ZNF207: variants seen among roughly 807,000 people sequenced by gnomAD.
ZNF207 encodes BUB3-interacting and GLEBS motif-containing protein ZNF207.
ZNF207 carries 24 observed loss-of-function variants against 60.2 expected under a neutral mutation model. That is an observed-to-expected ratio of 0.40 (90% CI 0.29 to 0.56). ZNF207 has a LOEUF of 0.56. ZNF207 is among the 20% of genes least tolerant of loss of function. The probability of loss-of-function intolerance (pLI) is 0.49; values close to 1 mark genes in which losing one functional copy is unlikely to be tolerated. For synonymous variants in ZNF207, 236 were observed against 194.7 expected (o/e 1.21, Z -1.77); for missense variants, 452 against 636.6 (o/e 0.71, Z 3.12).
intron 5 of ZNF207, 83 bp downstream of exon 5, chr17:32,361,050 T>TA: frequency 1.4e-6 from 2 of 1,445,352 alleles, no homozygotes; most frequent in Non-Finnish European, 1.9e-6. Flanking sequence ...AATGAAATGT[T>TA]ACTTTCCATT....
rs1363382088 is a variant in ZNF207, at chr17:32,380,023, A to G, written c.*10264A>G. On this transcript the variant is annotated 3_prime_UTR_variant, in exon 12 of 12. Coordinates refer to ENST00000394670, the MANE Select transcript of ZNF207 (RefSeq NM_001098507.2). ...GATGCTTTTTAGTATGAACAATGAT[A>G]GTTTTCTAAAATCTGAAAATCAATA... 3 of 152,430 alleles carry G rather than the reference A, an allele frequency of 2.0e-5. No homozygotes were observed. Among genetic ancestry groups the G allele is most frequent in the African/African-American group, 4.8e-5 (2 of 41,466 alleles). The allele number at this position is 152,430 out of a possible 1,614,324, so 9.4% of individuals were successfully genotyped here.
At chr17:32,357,030 A>G (rs971448310) in intron 2 of ZNF207, among the ~76,000 whole-genome samples, 6 of 151,980 alleles carry the variant, frequency 3.9e-5, no homozygotes, top group African/African-American at 1.5e-4. Flanking sequence ...GAAAATACAA[A>G]AATTAGCCAG....
rs1905518819 is a variant in ZNF207 at position 32,372,518 on chromosome 17, G to A, written c.*2759G>A. The A allele has an allele frequency of 6.6e-6, 1 of 152,144 alleles. No homozygotes were observed. Among genetic ancestry groups the A allele is most frequent in the South Asian group, 2.1e-4 (1 of 4,828 alleles). The allele number at this position is 152,144 out of a possible 1,614,324, so 9.4% of individuals were successfully genotyped here. On this transcript the variant is annotated 3_prime_UTR_variant, in exon 12 of 12. Coordinates refer to ENST00000394670, the MANE Select transcript of ZNF207 (RefSeq NM_001098507.2). ...CTGTATAGGTCTGATGGGCAAAAAT[G>A]GAACTTTTAAATATGGGATAGAATT... is the stretch of plus-strand genomic sequence containing the variant.
At chr17:32,361,113 A>C in intron 5 of ZNF207, 146 bp downstream of exon 5, 1 of 851,198 alleles carries the variant, frequency 1.2e-6, no homozygotes, top group South Asian at 1.8e-5. Context: ...AAAGGGATCA[A>C]CCAGTAAATT....
chr17:32,375,558 T>C lies in ZNF207; in HGVS notation c.*5799T>C, dbSNP rs1182637711. 1 of 152,102 alleles carries C rather than the reference T, an allele frequency of 6.6e-6. No individual in the cohort carries two copies. The highest frequency in any genetic ancestry group is 2.4e-5 in the African/African-American group (1 of 41,444). 9.4% of individuals were successfully genotyped at this position (152,102 alleles called of 1,614,324 possible). On this transcript the variant is annotated 3_prime_UTR_variant, in exon 12 of 12. Coordinates refer to ENST00000394670, the MANE Select transcript of ZNF207 (RefSeq NM_001098507.2). The stretch of plus-strand genomic sequence containing the variant: ...ACTCAGACAAATAAGATTTTGAGAA[T>C]TATGTAGTTTTTAGGTGTCTGTAAC...
Position 32,369,367 on chromosome 17 carries a change from C to A in ZNF207, c.1237C>A (p.Pro413Thr). ...PRPGQAPIGN[P>T]PVGPIGGMMP... ...GCCAGGACAGGCCCCCATCGGTAAT[C>A]CACCAGTTGGACCAATTGGAGGTAT... is the stretch of plus-strand genomic sequence containing the variant. Residue 413 changes from proline to threonine, a missense_variant, in exon 11 of 12, where the codon CCA becomes ACA. Transcript: ENST00000394670. The A allele has an allele frequency of 1.2e-6, 2 of 1,614,086 alleles. No individual in the cohort carries two copies. The highest frequency in any genetic ancestry group is 1.1e-5 in the South Asian group (1 of 91,082).
At position 32,374,212 on chromosome 17, in the gene ZNF207, C is replaced by CTTTTTTGTTTTTTTTTT. The variant is rs1905587643; in HGVS notation, c.*4459_*4460insGTTTTTTTTTTTTTTTT. 1.5e-5 allele frequency: 1 copy of CTTTTTTGTTTTTTTTTT among 66,224 alleles called. No individual in the cohort carries two copies. The highest frequency in any genetic ancestry group is 3.2e-5 in the Non-Finnish European group (1 of 31,290). The allele number at this position is 66,224 out of a possible 1,614,324, so 4.1% of individuals were successfully genotyped here. On this transcript the variant is annotated 3_prime_UTR_variant, in exon 12 of 12. Transcript: ENST00000394670. ...ACCGCGCCTGGCCAAAATCTGCATT[C>CTTTTTTGTTTTTTTTTT]TTTTTTTTTTTTTTTTTTTTTTTTT... is the stretch of plus-strand genomic sequence containing the variant.
At chr17:32,358,422 T>C in intron 2 of ZNF207, 81 bp from the exon 3 acceptor site, 2 of 1,383,316 alleles carry the variant, frequency 1.4e-6, no homozygotes, top group Non-Finnish European at 1.9e-6. Flanking sequence ...AGAACATTTA[T>C]TCTTTATACT....
chr17:32,354,912 C>T (rs568661580), intron 2 of ZNF207, among the ~76,000 whole-genome samples: 1 of 152,186 alleles, frequency 6.6e-6, no homozygotes, highest in Non-Finnish European at 1.5e-5. Context: ...CTGCGCCCAG[C>T]CTGTAAGACT....
At position 32,376,920 on chromosome 17, in the gene ZNF207, A is replaced by T. The variant is rs1905695912; in HGVS notation, c.*7161A>T. ...TGTGTGCTGTGTTTGTAAAAAGGTG[A>T]AGTACTTTATTGGCATTTTCTAAGC... On this transcript the variant is annotated 3_prime_UTR_variant, in exon 12 of 12. Coordinates refer to ENST00000394670, the MANE Select transcript of ZNF207 (RefSeq NM_001098507.2). 6.6e-6 allele frequency: 1 copy of T among 151,924 alleles called. No individual in the cohort carries two copies. The highest frequency in any genetic ancestry group is 6.5e-5 in the Admixed American group (1 of 15,270). 9.4% of individuals were successfully genotyped at this position (151,924 alleles called of 1,614,324 possible). A position where few individuals can be genotyped will look rare whatever the true frequency, so the allele number is the denominator to read the frequency against.
In ZNF207 at chr17:32,373,691, A is replaced by T; in HGVS notation, c.*3932A>T. Reference sequence around the variant, plus strand: ...GTAATTTGCTGTGTGTTACATAATTAACAGCTTCAGTAAAGCTTGTGTTCC... The same window carrying T: ...GTAATTTGCTGTGTGTTACATAATTTACAGCTTCAGTAAAGCTTGTGTTCC... On this transcript the variant is annotated 3_prime_UTR_variant, in exon 12 of 12. Transcript: ENST00000394670. 2.9e-6 allele frequency: 1 copy of T among 343,266 alleles called. No individual in the cohort carries two copies. The highest frequency in any genetic ancestry group is 5.2e-6 in the Non-Finnish European group (1 of 193,422). 21.3% of individuals were successfully genotyped at this position (343,266 alleles called of 1,614,324 possible). A position where few individuals can be genotyped will look rare whatever the true frequency, so the allele number is the denominator to read the frequency against.
chr17:32,353,431 G>A (rs1412453995), intron 2 of ZNF207, among the ~76,000 whole-genome samples: 4 of 152,094 alleles, frequency 2.6e-5, no homozygotes, highest in Admixed American at 2.6e-4. Flanking sequence ...CAGGTTTAAA[G>A]ATAAATTTAT....
Position 32,350,164 on chromosome 17 carries a change from A to G in ZNF207, c.-122A>G, listed in dbSNP as rs780398008. 8 of 1,510,014 alleles carry G rather than the reference A, an allele frequency of 5.3e-6. No individual in the cohort carries two copies. Among genetic ancestry groups the G allele is most frequent in the African/African-American group, 1.4e-5 (1 of 72,370 alleles). The allele number at this position is 1,510,014 out of a possible 1,614,324, so 93.5% of individuals were successfully genotyped here. On this transcript the variant is annotated 5_prime_UTR_variant, in exon 1 of 12. Coordinates refer to ENST00000394670, the MANE Select transcript of ZNF207 (RefSeq NM_001098507.2). Reference sequence around the variant, plus strand: ...GGAGCGGGGAACGAGGCCGTCGGCCATTTTGTGTCTGCTTCCTGTGGGACG... The same window carrying G: ...GGAGCGGGGAACGAGGCCGTCGGCCGTTTTGTGTCTGCTTCCTGTGGGACG...
intron 9 of ZNF207, 133 bp from the exon 10 acceptor site, chr17:32,367,639 A>G (rs1905265105): frequency 8.1e-7 from 1 of 1,230,644 alleles, no homozygotes; most frequent in East Asian, 2.5e-5. Flanking sequence ...TGTTTATCAC[A>G]TTAACTTTGT....
intron 9 of ZNF207, among the ~76,000 whole-genome samples, chr17:32,367,282 T>TATATATATATAAATAA (rs1445385221): frequency 1.2e-5 from 1 of 82,862 alleles, no homozygotes; most frequent in African/African-American, 6.1e-5. Context: ...TATATATATA[T>TATATATATATAAATAA]ATAAAGAATA....
intron 2 of ZNF207, among the ~76,000 whole-genome samples, chr17:32,353,801 ACT>A (rs1253890341): frequency 1.5e-5 from 2 of 129,198 alleles, no homozygotes; most frequent in Non-Finnish European, 3.1e-5. Context: ...GGTGACAGAG[ACT>A]CTGTCTCCAA....
intron 8 of ZNF207, 47 bp from the exon 9 acceptor site, chr17:32,366,618 C>T (rs374290308): frequency 1.3e-6 from 2 of 1,522,334 alleles, no homozygotes; most frequent in South Asian, 1.2e-5. Flanking sequence ...TTATTTTGAC[C>T]CATTTGTTTG....
At chr17:32,354,363 A>G (rs1904378234) in intron 2 of ZNF207, among the ~76,000 whole-genome samples, 1 of 151,806 alleles carries the variant, frequency 6.6e-6, no homozygotes, top group African/African-American at 2.4e-5. Flanking sequence ...TTTGAAACGG[A>G]GTTTTGCTCT....
Position 32,377,528 on chromosome 17 carries a change from G to A in ZNF207, c.*7769G>A, listed in dbSNP as rs1905717972. 6.6e-6 allele frequency: 1 copy of A among 151,952 alleles called. No individual in the cohort carries two copies. The highest frequency in any genetic ancestry group is 1.5e-5 in the Non-Finnish European group (1 of 67,880). The allele number at this position is 151,952 out of a possible 1,614,324, so 9.4% of individuals were successfully genotyped here. A position where few individuals can be genotyped will look rare whatever the true frequency, so the allele number is the denominator to read the frequency against. ...GTTTTTAAAATTGAGAATCTCTGAT[G>A]TGACAAAATCAATTTTTACAAAAGT... On this transcript the variant is annotated 3_prime_UTR_variant, in exon 12 of 12. Coordinates refer to ENST00000394670, the MANE Select transcript of ZNF207 (RefSeq NM_001098507.2).
Sources: allele counts gnomAD v4.1 joint callset (sites outside exome capture counted in the v4.1 genomes callset), GRCh38; gene constraint gnomAD v4.1.1; transcripts MANE v1.5; gene names NCBI Gene and HGNC (gene_info 2026-07-23, HGNC 2026-07-21).